Variants in GRAMD1B observed in about 807,000 individuals in gnomAD.
The protein encoded by GRAMD1B is protein Aster-B.
A neutral mutation model predicts 99.7 loss-of-function variants in GRAMD1B; 37 were observed. The observed-to-expected ratio is 0.37, with a 90% CI of 0.29 to 0.49. GRAMD1B has a LOEUF of 0.49. GRAMD1B is among the 20% of genes least tolerant of loss of function. The probability of loss-of-function intolerance (pLI) is 0.98; values close to 1 mark genes in which losing one functional copy is unlikely to be tolerated. For missense variants in GRAMD1B, 888 were observed against 1,009.2 expected, an observed-to-expected ratio of 0.88 and a Z score of 1.63; for synonymous variants, 427 against 387.6, an observed-to-expected ratio of 1.10 and a Z score of -1.19.
rs746172177 is a variant in GRAMD1B, at chr11:123,381,387, T to A, written c.-176+22588T>A. On this transcript the variant is annotated intron_variant, in intron 1 of 20. Coordinates refer to the GRAMD1B transcript ENST00000638157. ...TCTCCCTATTGCGTCATGAGACAAG[T>A]CCTGGTTAGGAGAGCTGGGTCCCAA... The A allele has an allele frequency of 2.1e-4, 33 of 154,430 alleles. No individual in the cohort carries two copies. In the South Asian group the frequency reaches 3.7e-3, roughly 17 times the overall value. The allele number at this position is 154,430 out of a possible 1,614,324, so 9.6% of individuals were successfully genotyped here. A position where few individuals can be genotyped will look rare whatever the true frequency, so the allele number is the denominator to read the frequency against.
chr11:123,423,430 G>T (rs967738445), intron 1 of GRAMD1B, among the ~76,000 whole-genome samples: 2 of 152,054 alleles, frequency 1.3e-5, no homozygotes, highest in African/African-American at 2.4e-5. Context: ...GCATTAGAAG[G>T]ATGTTTAACA....
intron 1 of GRAMD1B, among the ~76,000 whole-genome samples, chr11:123,401,678 C>T (rs554721564): frequency 3.9e-5 from 6 of 152,170 alleles, no homozygotes; most frequent in South Asian, 2.1e-4. Flanking sequence ...GGAAGGAAGA[C>T]GGAATTGAGA....
At chr11:123,615,853 G>A (rs1166327531) in intron 17 of GRAMD1B, among the ~76,000 whole-genome samples, 1 of 152,144 alleles carries the variant, frequency 6.6e-6, no homozygotes, top group Admixed American at 6.5e-5. Flanking sequence ...AGAGAGTATA[G>A]CATGTGACAA....
intron 1 of GRAMD1B, among the ~76,000 whole-genome samples, chr11:123,457,674 A>G (rs1950220788): frequency 6.6e-6 from 1 of 152,150 alleles, no homozygotes; most frequent in South Asian, 2.1e-4. Flanking sequence ...CTCTGGTGCT[A>G]TTGCTCCACT....
intron 1 of GRAMD1B, among the ~76,000 whole-genome samples, chr11:123,461,834 G>A (rs1950428212): frequency 6.6e-6 from 1 of 151,826 alleles, no homozygotes; most frequent in South Asian, 2.1e-4. Context: ...TCAAACTCCT[G>A]ACCTCATGCG....
intron 1 of GRAMD1B, among the ~76,000 whole-genome samples, chr11:123,411,775 C>A (rs373963271): frequency 6.6e-6 from 1 of 152,162 alleles, no homozygotes; most frequent in South Asian, 2.1e-4. Context: ...AGCCTCTCTA[C>A]TAGCTGGGAC....
chr11:123,424,732 C>T (rs1006674841), intron 1 of GRAMD1B, among the ~76,000 whole-genome samples: 3 of 152,178 alleles, frequency 2.0e-5, no homozygotes, highest in Non-Finnish European at 1.5e-5. Context: ...CTCTTTTCCT[C>T]TAGTTAAAAT....
upstream of GRAMD1B, among the ~76,000 whole-genome samples, chr11:123,426,077 G>A (rs1424202562): frequency 1.3e-5 from 2 of 152,170 alleles, no homozygotes. Context: ...TTTAGCATCC[G>A]GTGATCAAAA....
rs141214033 is a variant in GRAMD1B, at chr11:123,413,873, C to T, written c.-176+55074C>T. Among the ~76,000 whole-genome samples, 4 of 152,132 alleles carry T rather than the reference C, an allele frequency of 2.6e-5. No homozygotes were observed. In the East Asian group the frequency reaches 7.7e-4, roughly 29 times the overall value. On this transcript the variant is annotated intron_variant, in intron 1 of 20. Transcript: ENST00000638157. The stretch of plus-strand genomic sequence containing the variant: ...TGGGTGGCTTAGTAGTCAGATAGGA[C>T]TGTATCTGCAGAACCAAGTCAGAAA...
chr11:123,387,943 G>A (rs1947127286), intron 1 of GRAMD1B, among the ~76,000 whole-genome samples: 1 of 151,752 alleles, frequency 6.6e-6, no homozygotes, highest in African/African-American at 2.4e-5. Flanking sequence ...GGCCAACATG[G>A]CAAAACCCCA....
chr11:123,412,648 A>G (rs560065487), intron 1 of GRAMD1B, among the ~76,000 whole-genome samples: 1 of 152,312 alleles, frequency 6.6e-6, no homozygotes, highest in Admixed American at 6.5e-5. Flanking sequence ...TGCTTTCCAA[A>G]AATGTTGTGC....
In GRAMD1B at chr11:123,430,843, G is replaced by A; in HGVS notation, c.51G>A (p.Val17=). The A allele has an allele frequency of 1.4e-6, 1 of 699,620 alleles. No homozygotes were observed. The highest frequency in any genetic ancestry group is 2.7e-5 in the East Asian group (1 of 37,172). 43.3% of individuals were successfully genotyped at this position (699,620 alleles called of 1,614,324 possible). ...ACCGGCCGCTGCCCGCCCTGCAGGT[G>A]CCCGAGCCGCAGGGTGCGCCCGAGG... ...MENRPLPALQ[V]PEPQGAPEGS... The change falls in exon 1 of 20, where the codon GTG becomes GTA. Residue 17 remains valine, a synonymous_variant. Coordinates refer to ENST00000635736, the MANE Select transcript of GRAMD1B (RefSeq NM_001387025.1).
At chr11:123,618,240 T>G in intron 17 of GRAMD1B, 3 of 900,908 alleles carry the variant, frequency 3.3e-6, no homozygotes, top group Non-Finnish European at 3.7e-6. Context: ...TCTCATATAC[T>G]CTCACTCACT....
intron 1 of GRAMD1B, among the ~76,000 whole-genome samples, chr11:123,415,302 C>T (rs923794139): frequency 4.0e-5 from 6 of 151,826 alleles, no homozygotes; most frequent in Non-Finnish European, 7.4e-5. Context: ...AGGGTTTCAC[C>T]GTGTTTGCCA....
intron 1 of GRAMD1B, among the ~76,000 whole-genome samples, chr11:123,402,387 A>G (rs755516769): frequency 5.3e-5 from 8 of 152,184 alleles, no homozygotes; most frequent in Non-Finnish European, 1.0e-4. Flanking sequence ...CCAGATAGAT[A>G]ATAATAACAA....
intron 9 of GRAMD1B, among the ~76,000 whole-genome samples, chr11:123,604,003 G>A (rs1952358357): frequency 6.6e-6 from 1 of 152,198 alleles, no homozygotes; most frequent in South Asian, 2.1e-4. Flanking sequence ...AACCAAAGGT[G>A]GCTTTCAGAT....
At chr11:123,377,216 A>G (rs1946718238) in intron 1 of GRAMD1B, among the ~76,000 whole-genome samples, 1 of 152,200 alleles carries the variant, frequency 6.6e-6, no homozygotes, top group Non-Finnish European at 1.5e-5. Context: ...TCTTGGGAGC[A>G]TCTCCTCTTT....
At chr11:123,507,243 A>T (rs1026664109) in intron 2 of GRAMD1B, among the ~76,000 whole-genome samples, 1 of 152,332 alleles carries the variant, frequency 6.6e-6, no homozygotes. Context: ...CTGAGCAGAG[A>T]AGATGACGTG....
At chr11:123,495,461 T>C (rs1939134764) in intron 2 of GRAMD1B, among the ~76,000 whole-genome samples, 2 of 152,152 alleles carry the variant, frequency 1.3e-5, no homozygotes, top group Admixed American at 6.6e-5. Flanking sequence ...TGTACAATGA[T>C]TATTGACTAT....
Sources: gnomAD v4.1 joint callset for allele counts (sites outside exome capture counted in the v4.1 genomes callset) on GRCh38, gnomAD v4.1.1 for gene constraint, MANE v1.5 for transcripts, NCBI Gene and HGNC (gene_info 2026-07-23, HGNC 2026-07-21) for gene names.